The following UBE2D2 variants were observed in gnomAD, a reference collection of about 807,000 sequenced individuals.
UBE2D2 encodes the protein ubiquitin-conjugating enzyme E2 D2.
A neutral mutation model predicts 24.2 loss-of-function variants in UBE2D2; 2 were observed. The observed-to-expected ratio is 0.08, with a 90% CI of 0.03 to 0.26. The LOEUF (loss-of-function observed/expected upper bound fraction) is 0.26. UBE2D2 is among the 10% of genes least tolerant of loss of function. UBE2D2 has a pLI of 1.00. For missense variants in UBE2D2, 44 were observed against 177.6 expected, an observed-to-expected ratio of 0.25 and a Z score of 4.28; for synonymous variants, 58 against 56.5, an observed-to-expected ratio of 1.03 and a Z score of -0.12.
chr5:139,533,784 A>G (rs1249204918), intron 1 of UBE2D2, among the ~76,000 whole-genome samples: 6 of 140,614 alleles, frequency 4.3e-5, no homozygotes, highest in Non-Finnish European at 7.7e-5. Context: ...ATTAAAAAAC[A>G]TCTTTTTTTT....
chr5:139,557,309 T>G (rs1023043411), upstream of UBE2D2, among the ~76,000 whole-genome samples: 5 of 151,760 alleles, frequency 3.3e-5, no homozygotes, highest in African/African-American at 9.7e-5. Flanking sequence ...ATTTTGTATT[T>G]TTTTTTAGTA....
In UBE2D2 at chr5:139,586,048, G is replaced by A. The variant is rs1753720221; in HGVS notation, c.25-14324G>A. ...TAAAATAGCTTCCTAGGAAAAGGAGGCCCATAGAGAATAAAGAGTTAAGAT... is the reference window on the plus strand; with the variant it reads ...TAAAATAGCTTCCTAGGAAAAGGAGACCCATAGAGAATAAAGAGTTAAGAT... On this transcript the variant is annotated intron_variant, in intron 1 of 6. Coordinates refer to ENST00000398733, the MANE Select transcript of UBE2D2 (RefSeq NM_003339.3). 3.3e-5 allele frequency among the ~76,000 whole-genome samples: 5 copies of A among 151,472 alleles called. No homozygotes were observed. The East Asian group carries it at 9.7e-4, about 29-fold the overall frequency.
chr5:139,599,740 AAACAAAC>A (rs1561516103), intron 1 of UBE2D2, among the ~76,000 whole-genome samples: 1 of 150,986 alleles, frequency 6.6e-6, no homozygotes, highest in African/African-American at 2.5e-5. Flanking sequence ...CCGTCTCAAA[AAACAAAC>A]AACAAACAAA....
intron 1 of UBE2D2, among the ~76,000 whole-genome samples, chr5:139,551,771 G>A (rs777918638): frequency 1.2e-4 from 18 of 152,226 alleles, no homozygotes; most frequent in Admixed American, 6.5e-4. Flanking sequence ...CTAGAGGCAT[G>A]TGCCTAATCT....
At chr5:139,552,910 G>A (rs1219230195) in intron 1 of UBE2D2, among the ~76,000 whole-genome samples, 2 of 151,986 alleles carry the variant, frequency 1.3e-5, no homozygotes, top group African/African-American at 4.8e-5. Context: ...TCGAACTCCC[G>A]ATCTCAGGTG....
intron 1 of UBE2D2, among the ~76,000 whole-genome samples, chr5:139,532,639 C>T (rs962311161): frequency 6.6e-6 from 1 of 151,994 alleles, no homozygotes; most frequent in Non-Finnish European, 1.5e-5. Flanking sequence ...GCGTGAGCCA[C>T]CGCGCTTGGC....
At chr5:139,621,901 G>A (rs1754519955) in intron 5 of UBE2D2, among the ~76,000 whole-genome samples, 1 of 152,212 alleles carries the variant, frequency 6.6e-6, no homozygotes, top group Non-Finnish European at 1.5e-5. Context: ...GTGATTACAG[G>A]AGTGAGCCAT....
chr5:139,626,723 T>C, intron 6 of UBE2D2, 33 bp from the exon 7 acceptor site: 1 of 1,600,906 alleles, frequency 6.2e-7, no homozygotes, highest in South Asian at 1.1e-5. Flanking sequence ...ACTCCACACC[T>C]ATGTTAAGCC....
At chr5:139,535,954 G>A (rs1206820701) in intron 1 of UBE2D2, among the ~76,000 whole-genome samples, 3 of 150,650 alleles carry the variant, frequency 2.0e-5, no homozygotes, top group East Asian at 4.0e-4. Flanking sequence ...GTGCAGTGGC[G>A]TGATCTCGGC....
In UBE2D2 at chr5:139,534,784, T is replaced by C. The variant is rs555919889; in HGVS notation, c.-64+8172T>C. Reference sequence around the variant, plus strand: ...AATTTATTCTAAGGAAACAGTTAATTGGGCACAAACATTTGTACAATAATA... The same window carrying C: ...AATTTATTCTAAGGAAACAGTTAATCGGGCACAAACATTTGTACAATAATA... On this transcript the variant is annotated intron_variant, in intron 1 of 6. Coordinates refer to the UBE2D2 transcript ENST00000511725. 5.3e-5 allele frequency among the ~76,000 whole-genome samples: 8 copies of C among 151,966 alleles called. No individual in the cohort carries two copies. The East Asian group carries it at 1.4e-3, about 26-fold the overall frequency.
chr5:139,563,108 G>A (rs947953669), intron 1 of UBE2D2, among the ~76,000 whole-genome samples: 1 of 152,160 alleles, frequency 6.6e-6, no homozygotes, highest in Non-Finnish European at 1.5e-5. Context: ...TTAGAAGTAG[G>A]TACTGGGGTT....
chr5:139,599,314 G>C lies in UBE2D2; in HGVS notation c.25-1058G>C, dbSNP rs146043559. Among the ~76,000 whole-genome samples the C allele has an allele frequency of 5.8e-4, 89 of 152,190 alleles. 1 individual carries two copies. The East Asian group carries it at 0.014, about 24-fold the overall frequency. ...CCACTGAAAGCATATCAACTTGTCA[G>C]ATGGTCCAGTATAATTTTGGAACAT... is the stretch of plus-strand genomic sequence containing the variant. On this transcript the variant is annotated intron_variant, in intron 1 of 6. Transcript: ENST00000398733.
chr5:139,574,752 AAG>A (rs1339834978), intron 1 of UBE2D2, among the ~76,000 whole-genome samples: 7 of 149,750 alleles, frequency 4.7e-5, no homozygotes, highest in Non-Finnish European at 1.0e-4. Flanking sequence ...AAAAAAAAAA[AAG>A]AAAAGAAAAG....
chr5:139,543,930 C>G (rs897698032), intron 1 of UBE2D2, among the ~76,000 whole-genome samples: 1 of 152,044 alleles, frequency 6.6e-6, no homozygotes, highest in Admixed American at 6.6e-5. Context: ...TTGAAGGCAG[C>G]AGGAATGTCA....
intron 2 of UBE2D2, among the ~76,000 whole-genome samples, chr5:139,602,078 G>T (rs1754091292): frequency 6.6e-6 from 1 of 152,084 alleles, no homozygotes; most frequent in African/African-American, 2.4e-5. Context: ...TTAAGATGGA[G>T]TCTCACTCTG....
chr5:139,531,625 C>CAA (rs112323447), intron 1 of UBE2D2, among the ~76,000 whole-genome samples: 4 of 97,350 alleles, frequency 4.1e-5, no homozygotes, highest in South Asian at 3.3e-4. Context: ...AGACCCTATC[C>CAA]AAAAAAAAAA....
intron 1 of UBE2D2, among the ~76,000 whole-genome samples, chr5:139,563,289 A>C (rs1423503090): frequency 6.6e-6 from 1 of 152,196 alleles, no homozygotes; most frequent in Non-Finnish European, 1.5e-5. Flanking sequence ...GGTTACTATA[A>C]TTAGGTTAGC....
chr5:139,571,134 C>T (rs188023999), intron 1 of UBE2D2, among the ~76,000 whole-genome samples: 496 of 152,030 alleles, frequency 3.3e-3, no homozygotes, highest in African/African-American at 0.011. Context: ...ATCGGCTGGG[C>T]GCGGTGGCTC....
At chr5:139,575,883 T>C (rs1753458990) in intron 1 of UBE2D2, among the ~76,000 whole-genome samples, 1 of 152,172 alleles carries the variant, frequency 6.6e-6, no homozygotes, top group African/African-American at 2.4e-5. Context: ...CCAGGTTTGG[T>C]GGCACACGCC....
Sources: allele counts gnomAD v4.1 joint callset (sites outside exome capture counted in the v4.1 genomes callset), GRCh38; gene constraint gnomAD v4.1.1; transcripts MANE v1.5; gene names NCBI Gene and HGNC (gene_info 2026-07-23, HGNC 2026-07-21).